TMTC1: variants seen among roughly 807,000 people sequenced by gnomAD.
TMTC1 encodes protein O-mannosyl-transferase TMTC1.
A neutral mutation model predicts 104.8 loss-of-function variants in TMTC1; 73 were observed. That is an observed-to-expected ratio of 0.70 (90% CI 0.58 to 0.85). The LOEUF (loss-of-function observed/expected upper bound fraction) is 0.85, where lower values mean the gene tolerates loss of function less well. TMTC1 is among the 40% of genes least tolerant of loss of function. The probability of loss-of-function intolerance (pLI) is 0.00; values close to 1 mark genes in which losing one functional copy is unlikely to be tolerated. For synonymous variants in TMTC1, 434 were observed against 428.7 expected (o/e 1.01, Z -0.15); for missense variants, 1,035 against 1,096.1 (o/e 0.94, Z 0.79).
rs1409703276 is a variant in TMTC1 at position 29,501,740 on chromosome 12, C to G, written c.*5106G>C. 6.6e-6 allele frequency: 1 copy of G among 152,010 alleles called. No homozygotes were observed. Among genetic ancestry groups the G allele is most frequent in the African/African-American group, 2.4e-5 (1 of 41,392 alleles). 9.4% of individuals were successfully genotyped at this position (152,010 alleles called of 1,614,324 possible). On this transcript the variant is annotated 3_prime_UTR_variant, in exon 18 of 18. Coordinates refer to ENST00000539277, the MANE Select transcript of TMTC1 (RefSeq NM_001193451.2). The stretch of plus-strand genomic sequence containing the variant: ...TCTATGCTTACAAACCAATAATGAC[C>G]ATATATTGTGGTGGATGCTGATTTT...
At chr12:29,513,289 A>G (rs1047888711) in intron 16 of TMTC1, among the ~76,000 whole-genome samples, 14 of 152,152 alleles carry the variant, frequency 9.2e-5, no homozygotes, top group African/African-American at 3.4e-4. Context: ...CAGAGTGATA[A>G]TACATTTCAG....
intron 5 of TMTC1, among the ~76,000 whole-genome samples, chr12:29,726,528 C>T (rs1233767466): frequency 1.3e-5 from 2 of 152,154 alleles, no homozygotes; most frequent in African/African-American, 4.8e-5. Context: ...GTAGCCAAGA[C>T]AAGCATATAA....
At chr12:29,547,605 T>C (rs1217270976) in intron 10 of TMTC1, among the ~76,000 whole-genome samples, 1 of 152,226 alleles carries the variant, frequency 6.6e-6, no homozygotes, top group Non-Finnish European at 1.5e-5. Context: ...ATTTAAAACC[T>C]CAGTCACAGT....
intron 7 of TMTC1, among the ~76,000 whole-genome samples, chr12:29,602,867 C>T (rs1946603351): frequency 1.3e-5 from 2 of 152,018 alleles, no homozygotes; most frequent in African/African-American, 2.4e-5. Flanking sequence ...GGCAGAGGGG[C>T]TCTATGAATA....
intron 7 of TMTC1, among the ~76,000 whole-genome samples, chr12:29,595,541 TC>T (rs1156359575): frequency 6.6e-6 from 1 of 152,206 alleles, no homozygotes; most frequent in Non-Finnish European, 1.5e-5. Flanking sequence ...TCTGGTGCAG[TC>T]CCAGGTCCCT....
At chr12:29,657,197 C>T (rs1158623464) in intron 5 of TMTC1, among the ~76,000 whole-genome samples, 2 of 152,076 alleles carry the variant, frequency 1.3e-5, no homozygotes, top group Admixed American at 6.5e-5. Context: ...TGAAATCAAC[C>T]CAAAGCTAAA....
intron 2 of TMTC1, among the ~76,000 whole-genome samples, chr12:29,766,789 C>G (rs1157351014): frequency 6.6e-6 from 1 of 152,142 alleles, no homozygotes; most frequent in Non-Finnish European, 1.5e-5. Context: ...TCTTGTAAAA[C>G]TGTGGTGCCC....
intron 5 of TMTC1, among the ~76,000 whole-genome samples, chr12:29,725,742 C>T (rs550277010): frequency 6.6e-6 from 1 of 152,292 alleles, no homozygotes; most frequent in South Asian, 2.1e-4. Flanking sequence ...ATTTGATCTG[C>T]TATTTCACAA....
intron 5 of TMTC1, chr12:29,660,848 T>C: frequency 6.6e-7 from 1 of 1,505,742 alleles, no homozygotes; most frequent in South Asian, 1.3e-5. Context: ...GGTCTCATGG[T>C]AAGCAGGAAA....
rs531726112 is a variant in TMTC1, at chr12:29,556,714, A to G, written c.1676+143T>C. 3.3e-6 allele frequency: 3 copies of G among 920,910 alleles called. No individual in the cohort carries two copies. The African/African-American group carries it at 5.0e-5, about 15-fold the overall frequency. The allele number at this position is 920,910 out of a possible 1,614,324, so 57.0% of individuals were successfully genotyped here. A position where few individuals can be genotyped will look rare whatever the true frequency, so the allele number is the denominator to read the frequency against. ...TGATAAGGAAAAGAAATTGAGATGC[A>G]TGTTACACCCTCCCAAAGTCTGAAA... On this transcript the variant is annotated intron_variant, in intron 10 of 17. Transcript: ENST00000539277.
chr12:29,714,555 C>T (rs1942025289), intron 5 of TMTC1, among the ~76,000 whole-genome samples: 1 of 152,230 alleles, frequency 6.6e-6, no homozygotes, highest in Admixed American at 6.5e-5. Context: ...TGCTTGTGCA[C>T]TGTCAGGGCA....
chr12:29,616,669 C>CAAAAAAAAAAAAAAAAAAAAAA (rs71045821), intron 6 of TMTC1, among the ~76,000 whole-genome samples: 1 of 79,816 alleles, frequency 1.3e-5, no homozygotes, highest in African/African-American at 4.9e-5. Flanking sequence ...AACTTGGTCT[C>CAAAAAAAAAAAAAAAAAAAAAA]AAAAAAAAAA....
intron 2 of TMTC1, among the ~76,000 whole-genome samples, chr12:29,763,204 G>C (rs1565821314): frequency 6.6e-6 from 1 of 152,208 alleles, no homozygotes; most frequent in Non-Finnish European, 1.5e-5. Context: ...GATGTGCCCA[G>C]ATATAAAGAA....
chr12:29,642,951 A>G (rs923960304), intron 5 of TMTC1, among the ~76,000 whole-genome samples: 10 of 148,354 alleles, frequency 6.7e-5, no homozygotes, highest in African/African-American at 2.5e-4. Context: ...AAACAAACAA[A>G]CAAACAAAAA....
chr12:29,621,424 T>C (rs971094424), intron 6 of TMTC1, among the ~76,000 whole-genome samples: 7 of 152,166 alleles, frequency 4.6e-5, no homozygotes, highest in African/African-American at 1.7e-4. Context: ...GAATGAAAAA[T>C]GTATGTGACA....
intron 8 of TMTC1, among the ~76,000 whole-genome samples, chr12:29,578,014 T>C (rs893974955): frequency 2.0e-5 from 3 of 152,124 alleles, no homozygotes; most frequent in Non-Finnish European, 4.4e-5. Flanking sequence ...ACTGTGATTA[T>C]AGAAATGAAT....
intron 8 of TMTC1, among the ~76,000 whole-genome samples, chr12:29,575,139 G>A (rs372281540): frequency 2.0e-5 from 3 of 152,144 alleles, no homozygotes; most frequent in Non-Finnish European, 2.9e-5. Flanking sequence ...ACTTGGACCC[G>A]AGGAGTTTGG....
chr12:29,592,533 C>T (rs747721313), intron 7 of TMTC1, among the ~76,000 whole-genome samples: 1 of 152,130 alleles, frequency 6.6e-6, no homozygotes, highest in Non-Finnish European at 1.5e-5. Flanking sequence ...AATGCCAATG[C>T]TTTCACCTTC....
At position 29,783,441 on chromosome 12, in the gene TMTC1, G is replaced by A; in HGVS notation, c.302+9C>T. 7.7e-7 allele frequency: 1 copy of A among 1,301,022 alleles called. No homozygotes were observed. Among genetic ancestry groups the A allele is most frequent in the East Asian group, 3.1e-5 (1 of 32,096 alleles). 80.6% of individuals were successfully genotyped at this position (1,301,022 alleles called of 1,614,324 possible). On this transcript the variant is annotated intron_variant, in intron 1 of 17. Coordinates refer to ENST00000539277, the MANE Select transcript of TMTC1 (RefSeq NM_001193451.2). The surrounding 1 kb of genome is among the most constrained non-coding windows in gnomAD (Gnocchi z 4.7). Reference sequence around the variant, plus strand: ...GGCAGCGGCGGCTAGCGCGAGGTGAGGGACTCACTTGAAGGTGAGGACGCA... The same window carrying A: ...GGCAGCGGCGGCTAGCGCGAGGTGAAGGACTCACTTGAAGGTGAGGACGCA...
Sources: gnomAD v4.1 joint callset for allele counts (sites outside exome capture counted in the v4.1 genomes callset) on GRCh38, gnomAD v4.1.1 for gene constraint, Gnocchi (gnomAD v3.1) non-coding constraint, MANE v1.5 for transcripts, NCBI Gene and HGNC (gene_info 2026-07-23, HGNC 2026-07-21) for gene names.